Variants in C5orf63 observed in about 807,000 individuals in gnomAD.
C5orf63 encodes glutaredoxin-like protein C5orf63.
A neutral mutation model predicts 13.3 loss-of-function variants in C5orf63; 18 were observed. The ratio of observed to expected loss-of-function variants is 1.36; its 90% CI spans 0.94 to 2.01. The LOEUF is 2.01. Ranked by LOEUF, C5orf63 falls within the 30% of genes most tolerant of loss-of-function variation. The pLI is 0.00. For missense variants in C5orf63, 118 were observed against 127.7 expected (o/e 0.92, Z 0.36); for synonymous variants, 38 against 44.7 (o/e 0.85, Z 0.60).
chr5:127,060,969 C>T (rs1373680043), intron 2 of C5orf63, among the ~76,000 whole-genome samples: 1 of 152,200 alleles, frequency 6.6e-6, no homozygotes, highest in Non-Finnish European at 1.5e-5. Flanking sequence ...CCACAATTAA[C>T]CTGGCACATA....
intron 2 of C5orf63, among the ~76,000 whole-genome samples, chr5:127,064,979 A>T (rs1754265240): frequency 6.6e-6 from 1 of 152,172 alleles, no homozygotes. Context: ...CAGTAACATT[A>T]AGCCATTAAT....
chr5:127,050,115 G>A (rs938409953), downstream of C5orf63, among the ~76,000 whole-genome samples: 12 of 152,036 alleles, frequency 7.9e-5, no homozygotes, highest in African/African-American at 2.4e-4. Context: ...ACCCAGTTAC[G>A]TCAGGCCCAG....
chr5:127,064,809 G>A (rs1164721510), intron 2 of C5orf63, among the ~76,000 whole-genome samples: 2 of 152,164 alleles, frequency 1.3e-5, no homozygotes, highest in Non-Finnish European at 2.9e-5. Context: ...TGGACTCGAT[G>A]GGTGCTACAT....
At chr5:127,045,010 C>T (rs962967464), downstream of C5orf63, 7 of 152,028 alleles carry the variant, frequency 4.6e-5, no homozygotes, top group East Asian at 1.9e-4. Context: ...TTCTGGATGT[C>T]GTTTCTTAGT....
intron 3 of C5orf63, chr5:127,056,579 C>T (rs1249582128): frequency 6.6e-6 from 1 of 152,166 alleles, no homozygotes; most frequent in Non-Finnish European, 1.5e-5. Context: ...GACTCACCCC[C>T]ATAATTCAAT....
chr5:127,057,823 C>CT (rs1013120418), intron 3 of C5orf63, among the ~76,000 whole-genome samples: 98 of 152,216 alleles, frequency 6.4e-4, no homozygotes, highest in African/African-American at 2.3e-3. Flanking sequence ...CATTTTTGTG[C>CT]TTTTTATTGG....
At chr5:127,071,180 G>A (rs1468855450) in intron 2 of C5orf63, among the ~76,000 whole-genome samples, 2 of 152,174 alleles carry the variant, frequency 1.3e-5, no homozygotes, top group African/African-American at 4.8e-5. Flanking sequence ...CACACCTTGA[G>A]CAGGAGAAAG....
chr5:127,072,022 C>T (rs1277531987), intron 1 of C5orf63: 2 of 152,188 alleles, frequency 1.3e-5, no homozygotes, highest in Non-Finnish European at 2.9e-5. Context: ...CTAAATAAAA[C>T]CACACAGCCA....
chr5:127,057,387 CTTTA>C (rs1250212443), intron 3 of C5orf63, among the ~76,000 whole-genome samples: 2 of 152,250 alleles, frequency 1.3e-5, no homozygotes, highest in East Asian at 3.9e-4. Context: ...TTAACCTGCA[CTTTA>C]TTTCTTTTTT....
At chr5:127,052,291 C>T (rs899470000) in intron 4 of C5orf63, 11 of 325,472 alleles carry the variant, frequency 3.4e-5, no homozygotes, top group African/African-American at 8.5e-5. Context: ...TGGTGTGTTA[C>T]GTGAAAACAC....
At chr5:127,050,345 CTTTTA>C (rs879745640), downstream of C5orf63, among the ~76,000 whole-genome samples, 19 of 151,852 alleles carry the variant, frequency 1.3e-4, no homozygotes, top group East Asian at 3.3e-3. Context: ...GTTCTTTTCT[CTTTTA>C]TTTTTTTTTT....
chr5:127,059,519 G>A (rs1754016503), intron 2 of C5orf63, among the ~76,000 whole-genome samples: 1 of 151,742 alleles, frequency 6.6e-6, no homozygotes, highest in Non-Finnish European at 1.5e-5. Flanking sequence ...CTTGAGCCCA[G>A]GAGTTCAAGA....
downstream of C5orf63, chr5:127,046,776 A>G (rs1297755928): frequency 6.6e-6 from 1 of 152,254 alleles, no homozygotes; most frequent in African/African-American, 2.4e-5. Flanking sequence ...GAAGCCTGAG[A>G]GGCTCAGGGT....
chr5:127,066,074 A>C (rs1037147988), intron 2 of C5orf63, among the ~76,000 whole-genome samples: 4 of 152,132 alleles, frequency 2.6e-5, no homozygotes, highest in Admixed American at 2.6e-4. Flanking sequence ...TTTGCACTGG[A>C]GAGGAAACAG....
At chr5:127,048,890 T>G (rs1044661039), downstream of C5orf63, among the ~76,000 whole-genome samples, 2 of 152,188 alleles carry the variant, frequency 1.3e-5, no homozygotes, top group African/African-American at 2.4e-5. Context: ...AAAGAAACTC[T>G]TGGAACCTTT....
downstream of C5orf63, chr5:127,045,005 GA>G (rs1435173324): frequency 1.3e-5 from 2 of 152,000 alleles, no homozygotes; most frequent in Non-Finnish European, 2.9e-5. Context: ...CTCCTTTCTG[GA>G]TGTCGTTTCT....
downstream of C5orf63, among the ~76,000 whole-genome samples, chr5:127,050,052 C>G (rs1466247641): frequency 6.6e-6 from 1 of 152,214 alleles, no homozygotes; most frequent in Non-Finnish European, 1.5e-5. Context: ...GCACATCTCT[C>G]TACTTTCCTC....
chr5:127,067,880 A>G (rs1306680637), intron 2 of C5orf63, among the ~76,000 whole-genome samples: 13 of 152,200 alleles, frequency 8.5e-5, no homozygotes, highest in Admixed American at 8.5e-4. Context: ...GAGAGGTCAA[A>G]ATAAATTTAA....
At chr5:127,061,228 A>G (rs1158154865) in intron 2 of C5orf63, among the ~76,000 whole-genome samples, 1 of 152,152 alleles carries the variant, frequency 6.6e-6, no homozygotes. Context: ...TTCACAGAGC[A>G]TTACTATATT....
Sources: allele counts gnomAD v4.1 joint callset (sites outside exome capture counted in the v4.1 genomes callset), GRCh38; gene constraint gnomAD v4.1.1; transcripts MANE v1.5; gene names NCBI Gene and HGNC (gene_info 2026-07-23, HGNC 2026-07-21).